Variants in INTS8 observed in about 807,000 individuals in gnomAD.
The protein encoded by INTS8 is integrator complex subunit 8, also known as protein kaonashi-1.
Under a neutral mutation model 138.9 loss-of-function variants are expected in INTS8, and 47 were observed. That is an observed-to-expected ratio of 0.34 (90% CI 0.27 to 0.43). The LOEUF (loss-of-function observed/expected upper bound fraction) is 0.43, where lower values mean the gene tolerates loss of function less well. INTS8 is among the 20% of genes least tolerant of loss of function. INTS8 has a pLI of 1.00. For synonymous variants in INTS8, 392 were observed against 400.9 expected, an observed-to-expected ratio of 0.98 and a Z score of 0.27; for missense variants, 996 against 1,173.0, an observed-to-expected ratio of 0.85 and a Z score of 2.20.
chr8:94,836,862 A>G (rs1814945316), intron 7 of INTS8, among the ~76,000 whole-genome samples: 1 of 152,142 alleles, frequency 6.6e-6, no homozygotes, highest in African/African-American at 2.4e-5. Context: ...GTTTTTGTAC[A>G]GTTAAGCTCA....
chr8:94,824,792 C>CG (rs1814426007), intron 1 of INTS8, 101 bp from the exon 2 acceptor site: 2 of 86,734 alleles, frequency 2.3e-5, no homozygotes, highest in Admixed American at 1.2e-4. Flanking sequence ...ACTCCCCCCC[C>CG]CCCCACCCAC....
rs911005845 is a variant in INTS8 at position 94,876,011 on chromosome 8, A to G, written c.2689-63A>G. Reference sequence around the variant, plus strand: ...TAAGGCTTAATATAAGAGTAATTCAAGATTACCTTGTAAAACCAAGCTTTC... The same window carrying G: ...TAAGGCTTAATATAAGAGTAATTCAGGATTACCTTGTAAAACCAAGCTTTC... On this transcript the variant is annotated intron_variant, in intron 23 of 26. Transcript: ENST00000523731. The G allele has an allele frequency of 7.7e-6, 8 of 1,044,766 alleles. No individual in the cohort carries two copies. In the African/African-American group the frequency reaches 1.2e-4, roughly 16 times the overall value. 64.7% of individuals were successfully genotyped at this position (1,044,766 alleles called of 1,614,324 possible). A position where few individuals can be genotyped will look rare whatever the true frequency, so the allele number is the denominator to read the frequency against.
intron 26 of INTS8, 84 bp from the exon 27 acceptor site, chr8:94,880,034 C>A: frequency 2.4e-6 from 2 of 846,536 alleles, no homozygotes; most frequent in Non-Finnish European, 3.9e-6. Flanking sequence ...TCGTTGTTAG[C>A]ACGTAGGTAG....
chr8:94,877,986 T>C (rs1441787475), intron 26 of INTS8, among the ~76,000 whole-genome samples: 1 of 152,216 alleles, frequency 6.6e-6, no homozygotes, highest in Non-Finnish European at 1.5e-5. Flanking sequence ...AATCCAGTTT[T>C]TAAGTTTCCC....
chr8:94,856,749 A>T, intron 14 of INTS8, 28 bp from the exon 15 acceptor site: 1 of 1,602,096 alleles, frequency 6.2e-7, no homozygotes, highest in Non-Finnish European at 8.6e-7. Context: ...AGGAAAGGTG[A>T]CCCAGGCTAT....
intron 16 of INTS8, among the ~76,000 whole-genome samples, chr8:94,861,744 G>A (rs1480070505): frequency 6.6e-6 from 1 of 150,470 alleles, no homozygotes; most frequent in African/African-American, 2.5e-5. Flanking sequence ...TAGAGATGGG[G>A]TTTCTCCATG....
At chr8:94,880,067 A>T (rs1816744210) in intron 26 of INTS8, 51 bp from the exon 27 acceptor site, 1 of 1,310,190 alleles carries the variant, frequency 7.6e-7, no homozygotes, top group Non-Finnish European at 1.1e-6. Context: ...TGTACCAACA[A>T]AACTTAATTT....
intron 20 of INTS8, among the ~76,000 whole-genome samples, chr8:94,871,666 C>G (rs1459028923): frequency 6.6e-6 from 1 of 152,116 alleles, no homozygotes; most frequent in South Asian, 2.1e-4. Context: ...GAAAAGAGAA[C>G]AAAAATCAGA....
At chr8:94,852,106 C>T (rs1815568342) in intron 13 of INTS8, among the ~76,000 whole-genome samples, 1 of 151,916 alleles carries the variant, frequency 6.6e-6, no homozygotes, top group South Asian at 2.1e-4. Flanking sequence ...CCATGCCCGG[C>T]TAATTTATGT....
At chr8:94,847,801 A>G (rs925087637) in intron 10 of INTS8, among the ~76,000 whole-genome samples, 1 of 152,184 alleles carries the variant, frequency 6.6e-6, no homozygotes, top group Non-Finnish European at 1.5e-5. Context: ...CACATGTACA[A>G]AGCTTCTCAC....
intron 10 of INTS8, 72 bp from the exon 11 acceptor site, chr8:94,849,390 C>G: frequency 1.2e-6 from 1 of 822,434 alleles, no homozygotes; most frequent in Non-Finnish European, 2.0e-6. Flanking sequence ...GTTTTTAAAT[C>G]CAGCCTTTTC....
At chr8:94,823,781 C>G (rs1814375289) in intron 1 of INTS8, among the ~76,000 whole-genome samples, 1 of 152,220 alleles carries the variant, frequency 6.6e-6, no homozygotes, top group Non-Finnish European at 1.5e-5. Context: ...GAGGGGAGGG[C>G]TTGGTGCTGT....
intron 26 of INTS8, 175 bp downstream of exon 26, chr8:94,876,664 A>C (rs891859120): frequency 2.0e-6 from 1 of 501,620 alleles, no homozygotes; most frequent in Non-Finnish European, 3.5e-6. Flanking sequence ...CCATGTCATT[A>C]TATATTATTT....
chr8:94,825,148 C>A (rs1814443503), intron 2 of INTS8, 81 bp downstream of exon 2: 2 of 1,026,686 alleles, frequency 1.9e-6, no homozygotes, highest in Admixed American at 2.3e-5. Flanking sequence ...TTTATGATAT[C>A]GGCTCTTAAA....
At position 94,880,670 on chromosome 8, in the gene INTS8, A is replaced by C; in HGVS notation, c.*436A>C. The C allele has an allele frequency of 2.5e-6, 1 of 393,400 alleles. No homozygotes were observed. Among genetic ancestry groups the C allele is most frequent in the Non-Finnish European group, 4.5e-6 (1 of 223,366 alleles). The allele number at this position is 393,400 out of a possible 1,614,324, so 24.4% of individuals were successfully genotyped here. ...AAGTTTAGGTCAAGTGTTAAGCTTT[A>C]TCACTTTGACACTGTCCTTATCTCA... On this transcript the variant is annotated 3_prime_UTR_variant, in exon 27 of 27. Coordinates refer to ENST00000523731, the MANE Select transcript of INTS8 (RefSeq NM_017864.4).
In INTS8 at chr8:94,861,256, A is replaced by ATTT. The variant is rs1210530804; in HGVS notation, c.2076+1645_2076+1647dup. Reference sequence around the variant, plus strand: ...CTTCAGTTTTTCCCCCCTTTTTGTAATTTTTTTTTTTTTTTTTTTTTTTGA... The same window carrying ATTT: ...CTTCAGTTTTTCCCCCCTTTTTGTAATTTTTTTTTTTTTTTTTTTTTTTTTTGA... On this transcript the variant is annotated intron_variant, in intron 16 of 26. Coordinates refer to ENST00000523731, the MANE Select transcript of INTS8 (RefSeq NM_017864.4). Among the ~76,000 whole-genome samples, 376 of 57,334 alleles carry ATTT rather than the reference A, an allele frequency of 6.6e-3. 79 individuals are homozygous for ATTT. Among genetic ancestry groups the ATTT allele is most frequent in the African/African-American group, 0.027 (362 of 13,592 alleles). 37.6% of individuals were successfully genotyped at this position (57,334 alleles called of 152,430 possible). A position where few individuals can be genotyped will look rare whatever the true frequency, so the allele number is the denominator to read the frequency against.
intron 15 of INTS8, among the ~76,000 whole-genome samples, chr8:94,857,712 T>C (rs1815804822): frequency 6.6e-6 from 1 of 152,304 alleles, no homozygotes; most frequent in Non-Finnish European, 1.5e-5. Flanking sequence ...GCCTTCCCCC[T>C]GTGTATGTCT....
At chr8:94,870,803 G>A (rs1816368530) in intron 20 of INTS8, among the ~76,000 whole-genome samples, 2 of 152,174 alleles carry the variant, frequency 1.3e-5, no homozygotes, top group Admixed American at 1.3e-4. Flanking sequence ...ATAGAGCCAT[G>A]CGTCTGAATC....
intron 16 of INTS8, among the ~76,000 whole-genome samples, chr8:94,863,530 G>C (rs1246939007): frequency 6.6e-6 from 1 of 152,100 alleles, no homozygotes; most frequent in Admixed American, 6.6e-5. Flanking sequence ...CTTTTGTTGT[G>C]TTTATGCTGA....
Sources: allele counts gnomAD v4.1 joint callset (sites outside exome capture counted in the v4.1 genomes callset), GRCh38; gene constraint gnomAD v4.1.1; transcripts MANE v1.5; gene names NCBI Gene and HGNC (gene_info 2026-07-23, HGNC 2026-07-21).